The following PALM2AKAP2 variants were observed in gnomAD, a reference collection of about 807,000 sequenced individuals.
PALM2AKAP2 encodes the protein PALM2 and AKAP2 fusion.
In PALM2AKAP2, 37 loss-of-function variants were observed where a neutral mutation model predicts 71.5. The observed-to-expected ratio is 0.52, with a 90% confidence interval of 0.40 to 0.68. The LOEUF is 0.68. PALM2AKAP2 is among the 30% of genes least tolerant of loss of function. The pLI is 0.00. For missense variants in PALM2AKAP2, 1,224 were observed against 1,191.8 expected (o/e 1.03, Z -0.40); for synonymous variants, 468 against 478.8 (o/e 0.98, Z 0.29).
At chr9:110,128,178 A>C (rs939629777) in intron 1 of PALM2AKAP2, among the ~76,000 whole-genome samples, 1 of 152,160 alleles carries the variant, frequency 6.6e-6, no homozygotes, top group Admixed American at 6.5e-5. Flanking sequence ...GGCATCATCC[A>C]CCAGCCAGGT....
intron 1 of PALM2AKAP2, among the ~76,000 whole-genome samples, chr9:109,821,986 A>G (rs903459582): frequency 2.0e-5 from 3 of 152,256 alleles, no homozygotes; most frequent in Admixed American, 2.0e-4. Context: ...CCCTTCTCTT[A>G]TTCATCCACT....
chr9:109,705,429 C>G (rs749284920), intron 1 of PALM2AKAP2, among the ~76,000 whole-genome samples: 2 of 152,182 alleles, frequency 1.3e-5, no homozygotes, highest in Non-Finnish European at 2.9e-5. Context: ...TCTTGGATGA[C>G]CTGGCACCAT....
At chr9:110,048,735 T>A (rs759764997) in exon 1 of PALM2AKAP2, 4 of 1,539,012 alleles carry the variant, frequency 2.6e-6, no homozygotes, top group Non-Finnish European at 3.5e-6. Flanking sequence ...CCGCTCGCCT[T>A]CCCCCGGAGT....
At chr9:109,692,444 C>G (rs1827912675) in intron 1 of PALM2AKAP2, among the ~76,000 whole-genome samples, 1 of 151,794 alleles carries the variant, frequency 6.6e-6, no homozygotes, top group Admixed American at 6.6e-5. Context: ...TACTTCTTTA[C>G]TTTGTATTAT....
intron 6 of PALM2AKAP2, among the ~76,000 whole-genome samples, chr9:109,951,051 AG>A (rs1163808352): frequency 6.6e-5 from 10 of 152,368 alleles, no homozygotes. Context: ...TATTCTTTGC[AG>A]GGTTCTGGAA....
At chr9:109,831,191 A>G (rs1828292583) in intron 1 of PALM2AKAP2, among the ~76,000 whole-genome samples, 1 of 150,926 alleles carries the variant, frequency 6.6e-6, no homozygotes, top group African/African-American at 2.4e-5. Context: ...ACAAGCATAA[A>G]TAGGGCACAC....
intron 2 of PALM2AKAP2, among the ~76,000 whole-genome samples, chr9:110,153,118 C>T (rs534449741): frequency 6.6e-6 from 1 of 152,326 alleles, no homozygotes; most frequent in Admixed American, 6.5e-5. Flanking sequence ...GTGGCTAGAA[C>T]TGGAAAAACT....
chr9:110,017,015 G>T (rs1832994282), intron 7 of PALM2AKAP2, among the ~76,000 whole-genome samples: 1 of 152,100 alleles, frequency 6.6e-6, no homozygotes. Flanking sequence ...GAGTAGCTGG[G>T]ACTACAGGCG....
At chr9:109,816,235 G>T (rs1028830243) in intron 1 of PALM2AKAP2, among the ~76,000 whole-genome samples, 2 of 152,182 alleles carry the variant, frequency 1.3e-5, no homozygotes, top group African/African-American at 4.8e-5. Context: ...GCTCTCATTT[G>T]GGATTTTTGC....
chr9:110,041,851 A>C (rs1467479690), intron 7 of PALM2AKAP2, among the ~76,000 whole-genome samples: 2 of 152,234 alleles, frequency 1.3e-5, no homozygotes, highest in African/African-American at 2.4e-5. Flanking sequence ...AAGCTTAAGC[A>C]AACACAGATT....
At chr9:109,830,033 G>A (rs769370614) in intron 1 of PALM2AKAP2, among the ~76,000 whole-genome samples, 23 of 152,238 alleles carry the variant, frequency 1.5e-4, no homozygotes, top group Non-Finnish European at 2.9e-4. Flanking sequence ...TTTAGCCTCT[G>A]TTTATGATTT....
chr9:110,107,448 G>A (rs900887326), intron 1 of PALM2AKAP2, among the ~76,000 whole-genome samples: 6 of 152,122 alleles, frequency 3.9e-5, no homozygotes, highest in Admixed American at 3.3e-4. Context: ...CAATTGAGTC[G>A]GGGTGGAGAT....
intron 3 of PALM2AKAP2, among the ~76,000 whole-genome samples, chr9:109,901,100 T>C (rs891449084): frequency 3.3e-5 from 5 of 152,200 alleles, no homozygotes; most frequent in Non-Finnish European, 7.3e-5. Flanking sequence ...ATGGGGGTCC[T>C]TCCTTGACCT....
intron 1 of PALM2AKAP2, among the ~76,000 whole-genome samples, chr9:109,651,011 T>A (rs1827217637): frequency 6.6e-6 from 1 of 152,108 alleles, no homozygotes; most frequent in Non-Finnish European, 1.5e-5. Context: ...TTGGAAAGGG[T>A]GTATCTGGTG....
intron 6 of PALM2AKAP2, among the ~76,000 whole-genome samples, chr9:110,003,187 C>T (rs1832713961): frequency 6.6e-6 from 1 of 152,014 alleles, no homozygotes; most frequent in Admixed American, 6.5e-5. Flanking sequence ...AAATTTCCCT[C>T]TACACACTGC....
chr9:109,883,693 C>A (rs528172016), intron 3 of PALM2AKAP2, among the ~76,000 whole-genome samples: 1 of 152,324 alleles, frequency 6.6e-6, no homozygotes, highest in South Asian at 2.1e-4. Flanking sequence ...TAGCTTAGTT[C>A]TCACTCACAG....
intron 1 of PALM2AKAP2, among the ~76,000 whole-genome samples, chr9:110,058,685 C>T (rs1833896860): frequency 6.6e-6 from 1 of 152,166 alleles, no homozygotes; most frequent in African/African-American, 2.4e-5. Context: ...ACACTGTAGC[C>T]ACTTCCACTG....
rs141125388 is a variant in PALM2AKAP2, at chr9:109,661,249, C to G, written c.5+20383C>G. On this transcript the variant is annotated intron_variant, in intron 1 of 6. Transcript: ENST00000374531. Reference sequence around the variant, plus strand: ...ATGAAGTCCTTGCCCATGCCTATGTCCTGAATGGTATTGCCTAGGTTTTCT... The same window carrying G: ...ATGAAGTCCTTGCCCATGCCTATGTGCTGAATGGTATTGCCTAGGTTTTCT... 4.7e-3 allele frequency among the ~76,000 whole-genome samples: 711 copies of G among 152,238 alleles called. 3 individuals carry two copies. The highest frequency in any genetic ancestry group is 0.017 in the African/African-American group (689 of 41,548).
At chr9:109,779,391 T>G (rs1308721346), upstream of PALM2AKAP2, among the ~76,000 whole-genome samples, 1 of 152,200 alleles carries the variant, frequency 6.6e-6, no homozygotes, top group Non-Finnish European at 1.5e-5. Context: ...TCAGATGCAA[T>G]GAACAGAAGA....
Sources: gnomAD v4.1 joint callset for allele counts (sites outside exome capture counted in the v4.1 genomes callset) on GRCh38, gnomAD v4.1.1 for gene constraint, MANE v1.5 for transcripts, NCBI Gene and HGNC (gene_info 2026-07-23, HGNC 2026-07-21) for gene names.